SRGAP3: variants seen among roughly 807,000 people sequenced by gnomAD.
The protein encoded by SRGAP3 is SLIT-ROBO Rho GTPase activating protein 3.
In SRGAP3, 39 loss-of-function variants were observed where a neutral mutation model predicts 121.1. That is an observed-to-expected ratio of 0.32 (90% CI 0.25 to 0.42). The LOEUF is 0.42. Among genes scored for constraint, SRGAP3 ranks in the 10% least tolerant of loss-of-function variants. SRGAP3 has a pLI of 1.00. For synonymous variants in SRGAP3, 601 were observed against 570.0 expected (o/e 1.05, Z -0.77); for missense variants, 1,213 against 1,470.6 (o/e 0.82, Z 2.86).
At chr3:9,283,860 C>T (rs1045104920) in intron 3 of SRGAP3, among the ~76,000 whole-genome samples, 34 of 152,102 alleles carry the variant, frequency 2.2e-4, no homozygotes, top group Admixed American at 2.0e-3. Context: ...AATGTTAAAA[C>T]GATAGTACAC....
chr3:9,184,705 T>G (rs1051435384), intron 1 of SRGAP3, among the ~76,000 whole-genome samples: 2 of 151,748 alleles, frequency 1.3e-5, no homozygotes, highest in East Asian at 3.9e-4. Flanking sequence ...AGGCTAAGGG[T>G]CAAACAAATG....
chr3:9,351,400 T>C (rs1165852311), intron 1 of SRGAP3, among the ~76,000 whole-genome samples: 9 of 152,176 alleles, frequency 5.9e-5, no homozygotes, highest in Non-Finnish European at 1.3e-4. Flanking sequence ...AGGCTAAATA[T>C]CCTTTTGCAA....
chr3:8,987,676 A>G (rs1215135662), intron 21 of SRGAP3, among the ~76,000 whole-genome samples: 3 of 152,220 alleles, frequency 2.0e-5, no homozygotes, highest in Non-Finnish European at 4.4e-5. Flanking sequence ...CTAATGGCTA[A>G]TATTAGCTTG....
chr3:9,188,933 G>A (rs1457730708), intron 1 of SRGAP3, among the ~76,000 whole-genome samples: 1 of 152,206 alleles, frequency 6.6e-6, no homozygotes, highest in African/African-American at 2.4e-5. Flanking sequence ...ACTTGAGAAA[G>A]GGTGGTATTC....
intron 1 of SRGAP3, among the ~76,000 whole-genome samples, chr3:9,224,715 T>C (rs1445863753): frequency 6.6e-6 from 1 of 152,170 alleles, no homozygotes; most frequent in Non-Finnish European, 1.5e-5. Flanking sequence ...CAGATGGCTG[T>C]ACCATGGATG....
In SRGAP3 at chr3:9,218,493, A is replaced by C. The variant is rs1031605160; in HGVS notation, c.67+30392T>G. On this transcript the variant is annotated intron_variant, in intron 1 of 21. Transcript: ENST00000383836. This position sits in a 1 kb window ranked among gnomAD's most constrained non-coding sequence, Gnocchi z 5.3. ...CTCCTGCTGACCCTGACACAGCCTC[A>C]GAATACTTCTCAACACAGACCGCCA... 2.6e-5 allele frequency: 4 copies of C among 152,258 alleles called. No homozygotes were observed. Among genetic ancestry groups the C allele is most frequent in the African/African-American group, 9.6e-5 (4 of 41,458 alleles). 9.4% of individuals were successfully genotyped at this position (152,258 alleles called of 1,614,324 possible).
intron 1 of SRGAP3, among the ~76,000 whole-genome samples, chr3:9,192,112 G>A (rs1007743665): frequency 4.6e-5 from 7 of 152,136 alleles, no homozygotes; most frequent in African/African-American, 1.7e-4. Flanking sequence ...GGAGAGAATC[G>A]TGGATGTGAG....
intron 3 of SRGAP3, among the ~76,000 whole-genome samples, chr3:9,323,173 A>G (rs1955464575): frequency 6.6e-6 from 1 of 151,906 alleles, no homozygotes; most frequent in Admixed American, 6.5e-5. Flanking sequence ...AGAGGTGGAC[A>G]GGGAGGGGTG....
chr3:9,067,563 G>A (rs112750659), intron 4 of SRGAP3, among the ~76,000 whole-genome samples: 22 of 152,190 alleles, frequency 1.4e-4, no homozygotes, highest in Middle Eastern at 3.4e-3. Context: ...CAAAAGGGGT[G>A]ACTGCAGACT....
chr3:9,116,199 G>A (rs1948797475), intron 2 of SRGAP3, among the ~76,000 whole-genome samples: 1 of 152,208 alleles, frequency 6.6e-6, no homozygotes, highest in Admixed American at 6.5e-5. Context: ...CTGATGGACA[G>A]CTGTGGCTAC....
At chr3:9,019,039 CTATT>C (rs1943779296) in intron 14 of SRGAP3, among the ~76,000 whole-genome samples, 1 of 152,174 alleles carries the variant, frequency 6.6e-6, no homozygotes, top group African/African-American at 2.4e-5. Flanking sequence ...AGATCTTCCT[CTATT>C]TATTATTTTT....
chr3:9,307,235 A>C (rs1324782246), intron 3 of SRGAP3, among the ~76,000 whole-genome samples: 2 of 152,168 alleles, frequency 1.3e-5, no homozygotes, highest in Non-Finnish European at 2.9e-5. Flanking sequence ...CAGCCTCCCA[A>C]AGTGCTGGGA....
intron 1 of SRGAP3, chr3:9,349,593 A>T: frequency 5.8e-6 from 1 of 170,960 alleles, no homozygotes; most frequent in Non-Finnish European, 1.3e-5. Context: ...CCAGTGGAAG[A>T]TGAATATAAC....
intron 3 of SRGAP3, among the ~76,000 whole-genome samples, chr3:9,085,807 C>T (rs560073128): frequency 8.4e-4 from 127 of 152,024 alleles, no homozygotes; most frequent in Non-Finnish European, 1.5e-3. Context: ...TGGGGCCTAT[C>T]GGAGGATGGA....
intron 1 of SRGAP3, among the ~76,000 whole-genome samples, chr3:9,352,897 G>A (rs1349502248): frequency 2.6e-5 from 4 of 152,216 alleles, no homozygotes; most frequent in African/African-American, 9.6e-5. Flanking sequence ...TGTAAATGCT[G>A]ATTTCTGTTG....
At chr3:9,267,273 A>G (rs192599318) in intron 3 of SRGAP3, among the ~76,000 whole-genome samples, 27 of 152,294 alleles carry the variant, frequency 1.8e-4, no homozygotes, top group African/African-American at 6.0e-4. Context: ...CACCTTGTTA[A>G]TTGTGCCCAG....
At chr3:9,038,990 G>A (rs1325937844) in intron 10 of SRGAP3, among the ~76,000 whole-genome samples, 1 of 152,006 alleles carries the variant, frequency 6.6e-6, no homozygotes, top group African/African-American at 2.4e-5. Flanking sequence ...GAGATGTCTG[G>A]AGGCACTACT....
At chr3:9,203,311 G>A (rs906047605) in intron 1 of SRGAP3, among the ~76,000 whole-genome samples, 1 of 152,150 alleles carries the variant, frequency 6.6e-6, no homozygotes, top group Non-Finnish European at 1.5e-5. Context: ...TGCTAACTCT[G>A]CCACTTAGGT....
chr3:9,359,683 G>A (rs1037731842), intron 1 of SRGAP3, among the ~76,000 whole-genome samples: 5 of 152,206 alleles, frequency 3.3e-5, no homozygotes, highest in African/African-American at 1.2e-4. Flanking sequence ...GGTGAAAGGA[G>A]GGCAAGAGAA....
Sources: gnomAD v4.1 joint callset for allele counts (sites outside exome capture counted in the v4.1 genomes callset) on GRCh38, gnomAD v4.1.1 for gene constraint, Gnocchi (gnomAD v3.1) non-coding constraint, MANE v1.5 for transcripts, NCBI Gene and HGNC (gene_info 2026-07-23, HGNC 2026-07-21) for gene names.